The following ABCD3 variants were observed in gnomAD, a reference collection of about 807,000 sequenced individuals.
ABCD3 encodes the protein ATP binding cassette subfamily D member 3, also known as ATP-binding cassette sub-family D member 3.
A neutral mutation model predicts 105.5 loss-of-function variants in ABCD3; 41 were observed. The ratio of observed to expected loss-of-function variants is 0.39; its 90% CI spans 0.30 to 0.50. The LOEUF (loss-of-function observed/expected upper bound fraction) is 0.50, where lower values mean the gene tolerates loss of function less well. Ranked by LOEUF, ABCD3 falls within the 20% of genes least tolerant of loss-of-function variation. The pLI is 0.84. For missense variants in ABCD3, 622 were observed against 806.3 expected, an observed-to-expected ratio of 0.77 and a Z score of 2.77; for synonymous variants, 258 against 269.0, an observed-to-expected ratio of 0.96 and a Z score of 0.40.
At chr1:94,427,665 G>C (rs1467378479) in intron 1 of ABCD3, among the ~76,000 whole-genome samples, 1 of 152,114 alleles carries the variant, frequency 6.6e-6, no homozygotes, top group African/African-American at 2.4e-5. Flanking sequence ...ACGGGAAATG[G>C]TATTTCACTA....
At chr1:94,489,109 A>G (rs1362860189) in intron 13 of ABCD3, among the ~76,000 whole-genome samples, 1 of 152,052 alleles carries the variant, frequency 6.6e-6, no homozygotes, top group East Asian at 1.9e-4. Flanking sequence ...TTCGATGCAG[A>G]ATACTTTCTC....
intron 1 of ABCD3, among the ~76,000 whole-genome samples, chr1:94,435,667 TA>T (rs1376746269): frequency 5.9e-5 from 9 of 152,270 alleles, no homozygotes; most frequent in Admixed American, 5.2e-4. Flanking sequence ...TCTTCACTTA[TA>T]AGGTGGAATG....
At chr1:94,476,480 C>CT (rs772469407) in intron 7 of ABCD3, among the ~76,000 whole-genome samples, 3 of 152,308 alleles carry the variant, frequency 2.0e-5, no homozygotes, top group East Asian at 1.9e-4. Flanking sequence ...AGTTCCCACT[C>CT]TAACTCATGT....
intron 1 of ABCD3, among the ~76,000 whole-genome samples, chr1:94,458,074 A>G (rs1441653698): frequency 3.3e-5 from 5 of 152,166 alleles, no homozygotes; most frequent in Non-Finnish European, 7.4e-5. Context: ...TAGTCAGAAT[A>G]TGAACCTTGG....
Position 94,491,174 on chromosome 1 carries a change from T to G in ABCD3, c.1323-10T>G, listed in dbSNP as rs1266890107. 1 of 1,603,036 alleles carries G rather than the reference T, an allele frequency of 6.2e-7. No homozygotes were observed. The highest frequency in any genetic ancestry group is 1.7e-5 in the Admixed American group (1 of 59,812). ...TAAAGTAATTCTCTTTTTAAAAATT[T>G]CCTCTATAGGTTTGATCATGTTCCT... On this transcript the variant is annotated splice_polypyrimidine_tract_variant and intron_variant, in intron 15 of 22. Transcript: ENST00000370214.
the ABCD3 span, among the ~76,000 whole-genome samples, chr1:94,394,805 A>G: frequency 8.1e-4 from 123 of 152,330 alleles, no homozygotes; most frequent in African/African-American, 2.9e-3. Flanking sequence ...AGCCCAGCCA[A>G]AAGAGTTCAG....
chr1:94,427,940 A>ATATAG (rs1343133802), intron 1 of ABCD3, among the ~76,000 whole-genome samples: 1 of 152,230 alleles, frequency 6.6e-6, no homozygotes, highest in East Asian at 1.9e-4. Context: ...TCTGTCAAGA[A>ATATAG]TATAGCCTTC....
chr1:94,487,485 T>C, intron 10 of ABCD3, 57 bp from the exon 11 acceptor site: 1 of 1,460,156 alleles, frequency 6.8e-7, no homozygotes, highest in Non-Finnish European at 9.5e-7. Context: ...ATCCTTATAG[T>C]AGATTCAGTT....
At chr1:94,389,524 C>T in the ABCD3 span, among the ~76,000 whole-genome samples, 1 of 152,210 alleles carries the variant, frequency 6.6e-6, no homozygotes, top group African/African-American at 2.4e-5. Flanking sequence ...TTTGTTTCGG[C>T]CCATCCCTTT....
intron 2 of ABCD3, among the ~76,000 whole-genome samples, chr1:94,460,625 C>G (rs1391334773): frequency 6.6e-6 from 1 of 152,092 alleles, no homozygotes; most frequent in South Asian, 2.1e-4. Flanking sequence ...AAAATTAGAA[C>G]AATTTAACAT....
chr1:94,453,548 G>A (rs917545211), intron 1 of ABCD3, among the ~76,000 whole-genome samples: 19 of 151,912 alleles, frequency 1.3e-4, no homozygotes, highest in Admixed American at 7.9e-4. Context: ...TCGATCTCCT[G>A]ACCTCGTGAT....
At chr1:94,429,738 T>C (rs910294311) in intron 1 of ABCD3, among the ~76,000 whole-genome samples, 5 of 152,220 alleles carry the variant, frequency 3.3e-5, no homozygotes, top group Non-Finnish European at 7.3e-5. Context: ...TGGATGCCCA[T>C]GCAGAAGTTT....
Position 94,487,463 on chromosome 1 carries a change from A to G in ABCD3, c.898-79A>G, listed in dbSNP as rs1037526790. The G allele has an allele frequency of 1.7e-5, 21 of 1,223,632 alleles. No individual in the cohort carries two copies. In the African/African-American group the frequency reaches 3.1e-4, roughly 18 times the overall value. The allele number at this position is 1,223,632 out of a possible 1,614,324, so 75.8% of individuals were successfully genotyped here. ...AATATTTGTTGAATAAATGAACTAT[A>G]CAGTTTGTTTTATCCTTATAGTAGA... On this transcript the variant is annotated intron_variant, in intron 10 of 22. Coordinates refer to ENST00000370214, the MANE Select transcript of ABCD3 (RefSeq NM_002858.4).
At chr1:94,467,806 T>G in intron 3 of ABCD3, 113 bp from the exon 4 acceptor site, 1 of 723,208 alleles carries the variant, frequency 1.4e-6, no homozygotes, top group Non-Finnish European at 2.5e-6. Context: ...GCCAACTATA[T>G]TGAAACTTAC....
chr1:94,514,597 A>C (rs546042171), intron 21 of ABCD3: 2 of 152,588 alleles, frequency 1.3e-5, no homozygotes, highest in Non-Finnish European at 1.5e-5. Flanking sequence ...TTTAAACTCT[A>C]TATGTCTCAA....
chr1:94,516,952 TC>T (rs1407716192), intron 22 of ABCD3, 99 bp from the exon 23 acceptor site: 2 of 851,228 alleles, frequency 2.3e-6, no homozygotes, highest in Non-Finnish European at 4.1e-6. Context: ...TAGATTTAGC[TC>T]CCTTAAAATA....
chr1:94,455,771 T>C (rs1204684680), intron 1 of ABCD3: 4 of 1,135,208 alleles, frequency 3.5e-6, no homozygotes, highest in Middle Eastern at 4.5e-4. Context: ...AGTGATGAAG[T>C]GATGGGAGAG....
In ABCD3 at chr1:94,464,881, T is replaced by G. The variant is rs761598061; in HGVS notation, c.246+8T>G. The G allele has an allele frequency of 6.2e-6, 10 of 1,600,454 alleles. No homozygotes were observed. The South Asian group carries it at 9.9e-5, about 16-fold the overall frequency. ...AGAACATTTTGTAAAGAGGTAAGTC[T>G]TATGAAATTATAATCTTAAGTATAT... On this transcript the variant is annotated splice_region_variant and intron_variant, in intron 3 of 22. Coordinates refer to ENST00000370214, the MANE Select transcript of ABCD3 (RefSeq NM_002858.4).
the ABCD3 span, among the ~76,000 whole-genome samples, chr1:94,395,095 C>T: frequency 6.6e-6 from 1 of 152,154 alleles, no homozygotes; most frequent in Non-Finnish European, 1.5e-5. Flanking sequence ...CACTAAATGC[C>T]TTGGGTATCC....
Sources: gnomAD v4.1 joint callset for allele counts (sites outside exome capture counted in the v4.1 genomes callset) on GRCh38, gnomAD v4.1.1 for gene constraint, MANE v1.5 for transcripts, NCBI Gene and HGNC (gene_info 2026-07-23, HGNC 2026-07-21) for gene names.